TYW1B: variants seen among roughly 807,000 people sequenced by gnomAD.
The protein encoded by TYW1B is tRNA-yW synthesizing protein 1 homolog B.
TYW1B carries 73 observed loss-of-function variants against 86.9 expected under a neutral mutation model. That is an observed-to-expected ratio of 0.84 (90% CI 0.70 to 1.02). The LOEUF (loss-of-function observed/expected upper bound fraction) is 1.02, where lower values mean the gene tolerates loss of function less well. Among genes scored for constraint, TYW1B ranks in the 50% least tolerant of loss-of-function variants. The probability of loss-of-function intolerance (pLI) is 0.00; values close to 1 mark genes in which losing one functional copy is unlikely to be tolerated. For synonymous variants in TYW1B, 248 were observed against 292.8 expected (o/e 0.85, Z 1.56); for missense variants, 637 against 827.4 (o/e 0.77, Z 2.82).
chr7:72,658,039 A>C (rs1813245963), intron 11 of TYW1B, among the ~76,000 whole-genome samples: 1 of 152,174 alleles, frequency 6.6e-6, no homozygotes, highest in African/African-American at 2.4e-5. Flanking sequence ...GTGGATCATG[A>C]GGTCAGGAGA....
chr7:72,776,511 A>T (rs1186970106), intron 7 of TYW1B, among the ~76,000 whole-genome samples: 2 of 138,094 alleles, frequency 1.4e-5, no homozygotes, highest in African/African-American at 5.4e-5. Context: ...CAGTGAGCCA[A>T]GATTATGCCA....
chr7:72,632,354 A>ATATACAC, intron 11 of TYW1B, among the ~76,000 whole-genome samples: 1 of 123,046 alleles, frequency 8.1e-6, no homozygotes, highest in Non-Finnish European at 1.6e-5. Context: ...TATTATATAT[A>ATATACAC]TTATATATAT....
intron 13 of TYW1B, among the ~76,000 whole-genome samples, chr7:72,597,992 G>A (rs1460781535): frequency 2.0e-5 from 3 of 152,158 alleles, no homozygotes; most frequent in African/African-American, 7.2e-5. Flanking sequence ...AATCTCATGA[G>A]GACAGATTCG....
Position 72,616,823 on chromosome 7 carries a change from C to T in TYW1B, c.1634G>A (p.Arg545Lys). 1.9e-6 allele frequency: 3 copies of T among 1,614,202 alleles called. No individual in the cohort carries two copies. Among genetic ancestry groups the T allele is most frequent in the South Asian group, 1.1e-5 (1 of 91,088 alleles). ...FIEVKGVTYC[R>K]ESSASSLTMA... ...GGTAAGACTGCTTGCTGAACTTTCT[C>T]TGCAGTAGGTAACGCCCTGTGGAAA... The change falls in exon 13 of 14, where the codon AGA becomes AAA. Residue 545 changes from arginine to lysine, a missense_variant. Coordinates refer to ENST00000620995, the MANE Select transcript of TYW1B (RefSeq NM_001145440.3).
intron 11 of TYW1B, among the ~76,000 whole-genome samples, chr7:72,680,746 G>A (rs2844207): frequency 2.0e-5 from 3 of 151,970 alleles, no homozygotes; most frequent in Non-Finnish European, 2.9e-5. Flanking sequence ...TACTGAAGAC[G>A]ATATGGAACG....
At chr7:72,583,193 T>C (rs1554429845) in intron 13 of TYW1B, among the ~76,000 whole-genome samples, 1 of 152,028 alleles carries the variant, frequency 6.6e-6, no homozygotes, top group Admixed American at 6.6e-5. Flanking sequence ...TGAAACCCCA[T>C]CTCTACTAAA....
intron 9 of TYW1B, among the ~76,000 whole-genome samples, chr7:72,720,667 C>G (rs1164925033): frequency 2.6e-5 from 4 of 152,144 alleles, no homozygotes; most frequent in Non-Finnish European, 5.9e-5. Context: ...CTCCCAAAAA[C>G]AAAGCCTCAA....
In TYW1B at chr7:72,632,399, T is replaced by TAATATATATATACATATATATATAA. The variant is rs1563038755; in HGVS notation, c.1507-3427_1507-3403dup. Among the ~76,000 whole-genome samples the TAATATATATATACATATATATATAA allele has an allele frequency of 8.5e-4, 80 of 94,472 alleles. 3 individuals are homozygous for TAATATATATATACATATATATATAA. Among genetic ancestry groups the TAATATATATATACATATATATATAA allele is most frequent in the African/African-American group, 3.4e-3 (46 of 13,394 alleles). 62.0% of individuals were successfully genotyped at this position (94,472 alleles called of 152,430 possible). ...TATTATATATATACGTATATATATA[T>TAATATATATATACATATATATATAA]AATATATATATACATATATATATAA... On this transcript the variant is annotated intron_variant, in intron 11 of 13. Coordinates refer to ENST00000620995, the MANE Select transcript of TYW1B (RefSeq NM_001145440.3).
chr7:72,743,153 G>A (rs1328716669), intron 8 of TYW1B, among the ~76,000 whole-genome samples: 1 of 152,202 alleles, frequency 6.6e-6, no homozygotes, highest in Non-Finnish European at 1.5e-5. Context: ...AAAAGAGACT[G>A]AGACTGGAGA....
At chr7:72,783,693 A>G (rs1182685976) in intron 6 of TYW1B, among the ~76,000 whole-genome samples, 2 of 152,186 alleles carry the variant, frequency 1.3e-5, no homozygotes, top group Non-Finnish European at 2.9e-5. Context: ...CTGGTGGAAA[A>G]GCAGCGTGCC....
At chr7:72,700,199 G>C (rs1554452257) in intron 10 of TYW1B, among the ~76,000 whole-genome samples, 1 of 106,918 alleles carries the variant, frequency 9.4e-6, no homozygotes, top group Non-Finnish European at 1.7e-5. Context: ...TTGTGAGACA[G>C]AGTCTCGCTC....
chr7:72,753,141 C>A (rs148014726), intron 7 of TYW1B, among the ~76,000 whole-genome samples: 2 of 151,340 alleles, frequency 1.3e-5, no homozygotes, highest in Admixed American at 1.3e-4. Context: ...AAGAAGAGCT[C>A]GCCTTTACAG....
intron 7 of TYW1B, among the ~76,000 whole-genome samples, chr7:72,758,196 G>A (rs1205498681): frequency 6.6e-6 from 1 of 152,046 alleles, no homozygotes; most frequent in Non-Finnish European, 1.5e-5. Context: ...CTCCAGCCTG[G>A]GTGACAAAGG....
intron 11 of TYW1B, among the ~76,000 whole-genome samples, chr7:72,662,418 T>TAGATAG (rs1293459145): frequency 3.4e-3 from 166 of 49,388 alleles, no homozygotes; most frequent in Non-Finnish European, 5.0e-3. Context: ...AGGTTTTTAA[T>TAGATAG]ATATATATAT....
intron 8 of TYW1B, among the ~76,000 whole-genome samples, chr7:72,733,640 G>A (rs1313722881): frequency 1.2e-4 from 19 of 152,254 alleles, no homozygotes; most frequent in African/African-American, 4.1e-4. Context: ...CAGCCTGGGG[G>A]ACAGAGCGAG....
intron 7 of TYW1B, among the ~76,000 whole-genome samples, chr7:72,759,900 TAAAAGA>T (rs1787658644): frequency 6.6e-6 from 1 of 152,100 alleles, no homozygotes; most frequent in Non-Finnish European, 1.5e-5. Context: ...AATTAATCTC[TAAAAGA>T]AAAAGAACTA....
intron 11 of TYW1B, among the ~76,000 whole-genome samples, chr7:72,656,333 A>G (rs113400667): frequency 0.013 from 1,933 of 152,322 alleles, 41 homozygotes; most frequent in African/African-American, 0.041. Flanking sequence ...GCTAATCCAT[A>G]AAATTGGAAG....
chr7:72,762,889 A>G (rs1200812840), intron 7 of TYW1B, among the ~76,000 whole-genome samples: 6 of 152,078 alleles, frequency 3.9e-5, no homozygotes, highest in African/African-American at 1.4e-4. Context: ...TGAACTCTTG[A>G]CCTCAAGTGA....
chr7:72,609,528 C>T (rs1811884674), intron 13 of TYW1B, among the ~76,000 whole-genome samples: 1 of 152,002 alleles, frequency 6.6e-6, no homozygotes, highest in Non-Finnish European at 1.5e-5. Context: ...CACTGCACTC[C>T]AGCCTGGGTG....
Sources: allele counts gnomAD v4.1 joint callset (sites outside exome capture counted in the v4.1 genomes callset), GRCh38; gene constraint gnomAD v4.1.1; transcripts MANE v1.5; gene names NCBI Gene and HGNC (gene_info 2026-07-23, HGNC 2026-07-21).